Variants in KDM4C observed in about 807,000 individuals in gnomAD.
The protein encoded by KDM4C is lysine demethylase 4C.
Under a neutral mutation model 129.3 loss-of-function variants are expected in KDM4C, and 81 were observed. The ratio of observed to expected loss-of-function variants is 0.63; its 90% CI spans 0.52 to 0.75. KDM4C has a LOEUF of 0.75. Among genes scored for constraint, KDM4C ranks in the 30% least tolerant of loss-of-function variants. The pLI is 0.00. For synonymous variants in KDM4C, 573 were observed against 456.1 expected (o/e 1.26, Z -3.26); for missense variants, 1,457 against 1,304.0 (o/e 1.12, Z -1.81).
chr9:6,937,056 A>G (rs1440056568), intron 8 of KDM4C, among the ~76,000 whole-genome samples: 2 of 152,204 alleles, frequency 1.3e-5, no homozygotes, highest in South Asian at 2.1e-4. Context: ...TGCCACTTTT[A>G]TCAGAGAAAT....
intron 8 of KDM4C, 55 bp downstream of exon 8, chr9:6,893,287 A>T: frequency 6.9e-7 from 1 of 1,450,170 alleles, no homozygotes; most frequent in East Asian, 2.4e-5. Flanking sequence ...TGGTTATTTT[A>T]GTAGGAACCC....
At chr9:6,893,973 A>C (rs1846468115) in intron 8 of KDM4C, among the ~76,000 whole-genome samples, 1 of 152,210 alleles carries the variant, frequency 6.6e-6, no homozygotes, top group Admixed American at 6.5e-5. Flanking sequence ...GGCAGAGGGC[A>C]GCTTCTAAAT....
intron 18 of KDM4C, among the ~76,000 whole-genome samples, chr9:7,107,303 G>A (rs909157368): frequency 6.6e-6 from 1 of 152,202 alleles, no homozygotes; most frequent in Non-Finnish European, 1.5e-5. Context: ...ATAAATAGTA[G>A]TTATGAAACT....
At chr9:6,908,613 G>T (rs368923554) in intron 8 of KDM4C, among the ~76,000 whole-genome samples, 6 of 152,008 alleles carry the variant, frequency 3.9e-5, no homozygotes, top group African/African-American at 9.7e-5. Context: ...GATCTTCTTG[G>T]GGGGAGGATG....
At chr9:6,748,065 C>T (rs950522272) in intron 1 of KDM4C, among the ~76,000 whole-genome samples, 7 of 151,946 alleles carry the variant, frequency 4.6e-5, no homozygotes, top group African/African-American at 1.7e-4. Flanking sequence ...ATGAGGGAGG[C>T]TGAGGCAGGG....
At chr9:6,757,285 G>A (rs1192384934), upstream of KDM4C, among the ~76,000 whole-genome samples, 2 of 147,716 alleles carry the variant, frequency 1.4e-5, no homozygotes, top group Non-Finnish European at 3.0e-5. Context: ...GCCAGCCCAG[G>A]ATTCCTATTG....
intron 4 of KDM4C, among the ~76,000 whole-genome samples, chr9:6,821,300 T>A (rs1028332081): frequency 1.3e-5 from 2 of 152,226 alleles, no homozygotes; most frequent in African/African-American, 4.8e-5. Flanking sequence ...CACCACACTG[T>A]CTTCCACAGT....
At chr9:7,151,081 C>G (rs1022895066) in intron 19 of KDM4C, among the ~76,000 whole-genome samples, 2 of 150,118 alleles carry the variant, frequency 1.3e-5, no homozygotes, top group Admixed American at 6.6e-5. Context: ...GAGGCTGAAG[C>G]AGGAGGACCT....
chr9:7,116,708 T>G (rs1335491332), intron 18 of KDM4C, among the ~76,000 whole-genome samples: 2 of 152,214 alleles, frequency 1.3e-5, no homozygotes, highest in Non-Finnish European at 2.9e-5. Context: ...CTGCCGTGGA[T>G]GTGATGGACA....
At chr9:6,922,705 C>G (rs553563523) in intron 8 of KDM4C, among the ~76,000 whole-genome samples, 11 of 152,368 alleles carry the variant, frequency 7.2e-5, no homozygotes, top group Admixed American at 2.0e-4. Flanking sequence ...CATGATTGCA[C>G]CACTGTACTC....
At chr9:7,142,321 G>A (rs774833522) in intron 19 of KDM4C, among the ~76,000 whole-genome samples, 5 of 152,020 alleles carry the variant, frequency 3.3e-5, no homozygotes, top group African/African-American at 4.8e-5. Context: ...GGGGTCTTTC[G>A]CTATCCAAGC....
chr9:6,991,754 G>T (rs1233853637), intron 12 of KDM4C, among the ~76,000 whole-genome samples: 1 of 152,158 alleles, frequency 6.6e-6, no homozygotes, highest in Non-Finnish European at 1.5e-5. Context: ...ACAAGATCAT[G>T]GCAGGGCATA....
intron 8 of KDM4C, among the ~76,000 whole-genome samples, chr9:6,911,156 A>G (rs931613063): frequency 1.3e-5 from 2 of 152,212 alleles, no homozygotes; most frequent in Non-Finnish European, 2.9e-5. Flanking sequence ...GGCTTAAATT[A>G]CTTAATTTAC....
intron 3 of KDM4C, among the ~76,000 whole-genome samples, chr9:6,814,118 G>A (rs998085813): frequency 6.6e-6 from 1 of 152,002 alleles, no homozygotes; most frequent in African/African-American, 2.4e-5. Flanking sequence ...GGTTTTGCCA[G>A]CTTATATTCC....
At chr9:6,823,928 C>T (rs766424873) in intron 4 of KDM4C, among the ~76,000 whole-genome samples, 1 of 152,174 alleles carries the variant, frequency 6.6e-6, no homozygotes, top group Non-Finnish European at 1.5e-5. Context: ...TTTCAGGAGA[C>T]ATTTTCACTC....
At chr9:7,077,942 A>T (rs1358532148) in intron 17 of KDM4C, among the ~76,000 whole-genome samples, 1 of 152,132 alleles carries the variant, frequency 6.6e-6, no homozygotes, top group Admixed American at 6.6e-5. Flanking sequence ...GGGATCAAAG[A>T]CCTCCAGGTT....
intron 5 of KDM4C, 116 bp downstream of exon 5, chr9:6,849,816 A>C: frequency 1.2e-6 from 1 of 849,610 alleles, no homozygotes; most frequent in Non-Finnish European, 1.8e-6. Context: ...GTGAGCTGTA[A>C]GGAAGTTTTT....
chr9:6,859,608 A>G (rs1050633131), intron 5 of KDM4C, among the ~76,000 whole-genome samples: 5 of 149,238 alleles, frequency 3.4e-5, no homozygotes, highest in African/African-American at 1.2e-4. Flanking sequence ...TCACGCCTGT[A>G]ATCCAGCACT....
intron 8 of KDM4C, among the ~76,000 whole-genome samples, chr9:6,942,950 C>T (rs905474922): frequency 7.9e-5 from 12 of 152,118 alleles, no homozygotes; most frequent in Admixed American, 5.2e-4. Flanking sequence ...CTTGTAGCCC[C>T]AACCTCCTGG....
Sources: allele counts gnomAD v4.1 joint callset (sites outside exome capture counted in the v4.1 genomes callset), GRCh38; gene constraint gnomAD v4.1.1; transcripts MANE v1.5; gene names NCBI Gene and HGNC (gene_info 2026-07-23, HGNC 2026-07-21).